Variants in GFRA2 observed in about 807,000 individuals in gnomAD.
GFRA2 encodes the protein GDNF family receptor alpha-2.
A neutral mutation model predicts 48.3 loss-of-function variants in GFRA2; 17 were observed. The ratio of observed to expected loss-of-function variants is 0.35; its 90% CI spans 0.24 to 0.53. The LOEUF is 0.53. Among genes scored for constraint, GFRA2 ranks in the 20% least tolerant of loss-of-function variants. The probability of loss-of-function intolerance (pLI) is 0.93; values close to 1 mark genes in which losing one functional copy is unlikely to be tolerated. For missense variants in GFRA2, 660 were observed against 637.3 expected (o/e 1.04, Z -0.38); for synonymous variants, 305 against 257.2 (o/e 1.19, Z -1.78).
intron 8 of GFRA2, among the ~76,000 whole-genome samples, chr8:21,694,209 A>C (rs1197191477): frequency 6.6e-6 from 1 of 151,458 alleles, no homozygotes; most frequent in Non-Finnish European, 1.5e-5. Context: ...TTAAGAGAGT[A>C]AGGAAGGCAT....
intron 4 of GFRA2, among the ~76,000 whole-genome samples, chr8:21,747,818 A>G (rs1003184213): frequency 2.6e-5 from 4 of 151,868 alleles, no homozygotes; most frequent in Non-Finnish European, 1.5e-5. Context: ...ACACACATAA[A>G]CATGCACATG....
At chr8:21,721,449 G>A (rs1399740756) in intron 4 of GFRA2, among the ~76,000 whole-genome samples, 1 of 152,184 alleles carries the variant, frequency 6.6e-6, no homozygotes, top group African/African-American at 2.4e-5. Context: ...GGGTCCCTGT[G>A]GAGGAAGGCT....
At chr8:21,797,940 G>A (rs934209775) in intron 2 of GFRA2, among the ~76,000 whole-genome samples, 5 of 152,148 alleles carry the variant, frequency 3.3e-5, no homozygotes, top group Non-Finnish European at 7.4e-5. Flanking sequence ...TTCAACAACA[G>A]CAGGCTGCTC....
chr8:21,718,077 G>T (rs935974697), intron 4 of GFRA2, among the ~76,000 whole-genome samples: 1 of 152,182 alleles, frequency 6.6e-6, no homozygotes, highest in African/African-American at 2.4e-5. Context: ...CTACTTAATT[G>T]CATACTGTCT....
At position 21,733,558 on chromosome 8, in the gene GFRA2, G is replaced by T. The variant is rs11990240; in HGVS notation, c.794+17030C>A. 8.9e-3 allele frequency among the ~76,000 whole-genome samples: 1,350 copies of T among 152,250 alleles called. 20 individuals carry two copies. The highest frequency in any genetic ancestry group is 0.031 in the African/African-American group (1,270 of 41,526). On this transcript the variant is annotated intron_variant, in intron 4 of 8. Transcript: ENST00000524240. ...GGGAGAGAAAGCCCCAGCCCTTCCC[G>T]CATTTTAAACACCTGGCAGGTTATC...
intron 4 of GFRA2, among the ~76,000 whole-genome samples, chr8:21,748,159 C>T (rs1004283227): frequency 2.0e-5 from 3 of 152,156 alleles, no homozygotes; most frequent in Non-Finnish European, 4.4e-5. Context: ...AACTTCCAAA[C>T]CCATCTCTTC....
chr8:21,762,179 C>T (rs1015500361), intron 3 of GFRA2, among the ~76,000 whole-genome samples: 1 of 152,104 alleles, frequency 6.6e-6, no homozygotes, highest in Admixed American at 6.5e-5. Context: ...AGCAAGATCT[C>T]GGGGCATCTT....
chr8:21,704,650 C>A (rs1038766294), intron 6 of GFRA2, among the ~76,000 whole-genome samples: 36 of 152,092 alleles, frequency 2.4e-4, no homozygotes, highest in African/African-American at 8.2e-4. Context: ...GAAATAAACT[C>A]GTTAAAGGGA....
At chr8:21,775,610 C>G (rs929949471) in intron 2 of GFRA2, among the ~76,000 whole-genome samples, 5 of 152,184 alleles carry the variant, frequency 3.3e-5, no homozygotes, top group Non-Finnish European at 7.3e-5. Flanking sequence ...CCAGCTCCGC[C>G]CAGGTCACTG....
At chr8:21,803,867 C>T (rs1465637186) in intron 2 of GFRA2, among the ~76,000 whole-genome samples, 3 of 152,040 alleles carry the variant, frequency 2.0e-5, no homozygotes, top group African/African-American at 4.8e-5. Flanking sequence ...TCCCAGCGAC[C>T]CAAAGCACTG....
At chr8:21,773,924 GACTC>G (rs1413927288) in intron 3 of GFRA2, among the ~76,000 whole-genome samples, 3 of 152,150 alleles carry the variant, frequency 2.0e-5, no homozygotes, top group African/African-American at 7.2e-5. Flanking sequence ...AACATCCTCA[GACTC>G]ACAGGACGGC....
At chr8:21,728,265 GTTTTTTTT>G (rs34490346) in intron 4 of GFRA2, among the ~76,000 whole-genome samples, 2 of 65,310 alleles carry the variant, frequency 3.1e-5, no homozygotes, top group East Asian at 1.1e-3. Context: ...CGGGAACCAG[GTTTTTTTT>G]TTTTTTTTTT....
chr8:21,733,958 T>C (rs1804325922), intron 4 of GFRA2, among the ~76,000 whole-genome samples: 1 of 152,168 alleles, frequency 6.6e-6, no homozygotes, highest in African/African-American at 2.4e-5. Context: ...CTTCCTGCCA[T>C]TGACCTCTGG....
chr8:21,706,044 G>T lies in GFRA2; in HGVS notation c.795-3C>A. On this transcript the variant is annotated splice_polypyrimidine_tract_variant and splice_region_variant and intron_variant, in intron 4 of 8. Coordinates refer to ENST00000524240, the MANE Select transcript of GFRA2 (RefSeq NM_001495.5). ...CATGGAAGTCGGCCAGCCGGGACCT[G>T]GTGGTGGGTAGAAGACGCAATAGAG... The T allele has an allele frequency of 6.4e-7, 1 of 1,554,262 alleles. No homozygotes were observed. Among genetic ancestry groups the T allele is most frequent in the Non-Finnish European group, 8.7e-7 (1 of 1,145,956 alleles).
At chr8:21,762,988 T>C (rs916046693) in intron 3 of GFRA2, among the ~76,000 whole-genome samples, 5 of 152,216 alleles carry the variant, frequency 3.3e-5, no homozygotes, top group African/African-American at 9.6e-5. Context: ...GTATAGAGAA[T>C]GGACACAGGA....
rs373213505 is a variant in GFRA2 at position 21,808,138 on chromosome 8, T to A, written c.-147-3010A>T. ...GGGCACATATTAAATATTTAACACA[T>A]CCTCCGAAATTGGTAGACATTCCAT... On this transcript the variant is annotated intron_variant, in intron 1 of 10. Coordinates refer to the GFRA2 transcript ENST00000517328. 3.9e-5 allele frequency among the ~76,000 whole-genome samples: 6 copies of A among 152,202 alleles called. No homozygotes were observed. The East Asian group carries it at 5.8e-4, about 15-fold the overall frequency.
At chr8:21,734,260 G>A (rs929600715) in intron 4 of GFRA2, among the ~76,000 whole-genome samples, 1 of 152,204 alleles carries the variant, frequency 6.6e-6, no homozygotes, top group South Asian at 2.1e-4. Context: ...AAATCCAGCT[G>A]GTGTTAGACC....
At chr8:21,694,077 T>TTTATATATA (rs1802032776) in intron 8 of GFRA2, among the ~76,000 whole-genome samples, 7 of 109,294 alleles carry the variant, frequency 6.4e-5, no homozygotes, top group South Asian at 3.0e-4. Context: ...TTATTTATTT[T>TTTATATATA]TATATATATA....
At chr8:21,710,000 C>A (rs1261618201) in intron 4 of GFRA2, among the ~76,000 whole-genome samples, 1 of 152,126 alleles carries the variant, frequency 6.6e-6, no homozygotes, top group African/African-American at 2.4e-5. Context: ...AGGAAGCCAG[C>A]CAGGAAACAG....
Sources: gnomAD v4.1 joint callset for allele counts (sites outside exome capture counted in the v4.1 genomes callset) on GRCh38, gnomAD v4.1.1 for gene constraint, MANE v1.5 for transcripts, NCBI Gene and HGNC (gene_info 2026-07-23, HGNC 2026-07-21) for gene names.